CBFA2T3: variants seen among roughly 807,000 people sequenced by gnomAD.
CBFA2T3 encodes transcriptional corepressor CBFA2T3.
In CBFA2T3, 31 loss-of-function variants were observed where a neutral mutation model predicts 58.6. The ratio of observed to expected loss-of-function variants is 0.53; its 90% CI spans 0.40 to 0.71. The LOEUF (loss-of-function observed/expected upper bound fraction) is 0.71, where lower values mean the gene tolerates loss of function less well. Ranked by LOEUF, CBFA2T3 falls within the 30% of genes least tolerant of loss-of-function variation. The probability of loss-of-function intolerance (pLI) is 0.00; values close to 1 mark genes in which losing one functional copy is unlikely to be tolerated. For missense variants in CBFA2T3, 1,076 were observed against 963.1 expected, an observed-to-expected ratio of 1.12 and a Z score of -1.55; for synonymous variants, 531 against 421.9, an observed-to-expected ratio of 1.26 and a Z score of -3.17.
intron 9 of CBFA2T3, 95 bp from the exon 10 acceptor site, chr16:88,880,883 C>T (rs964811283): frequency 1.4e-5 from 17 of 1,182,206 alleles, no homozygotes; most frequent in Middle Eastern, 2.5e-4. Flanking sequence ...GAGTGCAGGG[C>T]GTGAGTGTGT....
intron 1 of CBFA2T3, among the ~76,000 whole-genome samples, chr16:88,962,017 C>T (rs1386458197): frequency 6.6e-6 from 1 of 150,890 alleles, no homozygotes; most frequent in Non-Finnish European, 1.5e-5. Context: ...TAGTAACCGA[C>T]ACTCAGCACT....
rs1320829596 is a variant in CBFA2T3 at position 88,976,650 on chromosome 16, C to G, written c.151+7G>C. 20 of 1,554,736 alleles carry G rather than the reference C, an allele frequency of 1.3e-5. No individual in the cohort carries two copies. The highest frequency in any genetic ancestry group is 1.7e-5 in the Non-Finnish European group (20 of 1,148,184). Reference sequence around the variant, plus strand: ...CCACCCCACCACCTTCCCCTCGAGCCTCTTACCTGGGCCGCCCTTCCTGGG... The same window carrying G: ...CCACCCCACCACCTTCCCCTCGAGCGTCTTACCTGGGCCGCCCTTCCTGGG... On this transcript the variant is annotated splice_region_variant and intron_variant, in intron 1 of 11. Coordinates refer to ENST00000268679, the MANE Select transcript of CBFA2T3 (RefSeq NM_005187.6).
rs190747044 is a variant in CBFA2T3 at position 88,932,083 on chromosome 16, G to A, written c.152-30427C>T. On this transcript the variant is annotated intron_variant, in intron 1 of 11. Transcript: ENST00000268679. ...AGACTTTACACACATGCACCTGCAC[G>A]TGCGCCCCTGGCAACGGCACCCGAC... Among the ~76,000 whole-genome samples the A allele has an allele frequency of 2.8e-3, 431 of 152,124 alleles. 2 individuals are homozygous for A. Among genetic ancestry groups the A allele is most frequent in the African/African-American group, 1.0e-2 (413 of 41,474 alleles).
At chr16:88,940,541 G>C (rs895127031) in intron 1 of CBFA2T3, among the ~76,000 whole-genome samples, 2 of 152,232 alleles carry the variant, frequency 1.3e-5, no homozygotes, top group Non-Finnish European at 2.9e-5. Context: ...TGCCAGGCAG[G>C]GTCCAGGACC....
chr16:88,964,173 T>G (rs1376950763), intron 1 of CBFA2T3, among the ~76,000 whole-genome samples: 1 of 152,136 alleles, frequency 6.6e-6, no homozygotes, highest in Non-Finnish European at 1.5e-5. Flanking sequence ...CGGCTTGGGG[T>G]CAGCTGTGTG....
At chr16:88,975,120 G>GACCCTCTGCTCCTGACCTGCA (rs1567643739) in intron 1 of CBFA2T3, among the ~76,000 whole-genome samples, 8 of 108,082 alleles carry the variant, frequency 7.4e-5, no homozygotes, top group Admixed American at 4.1e-4. Flanking sequence ...AGGCCACCCT[G>GACCCTCTGCTCCTGACCTGCA]GCCCTCTGCT....
intron 5 of CBFA2T3, 183 bp from the exon 6 acceptor site, chr16:88,886,325 TG>T (rs1392370472): frequency 2.1e-5 from 8 of 374,616 alleles, no homozygotes; most frequent in African/African-American, 1.7e-4. Context: ...GAGGGTGGCG[TG>T]GGAGGGTGGG....
chr16:88,903,828 G>A (rs1007016589), intron 1 of CBFA2T3, among the ~76,000 whole-genome samples: 5 of 152,224 alleles, frequency 3.3e-5, no homozygotes, highest in Non-Finnish European at 7.3e-5. Context: ...GGGGGACACA[G>A]GTCCAGGACA....
At chr16:88,931,838 C>T (rs1352943773) in intron 1 of CBFA2T3, among the ~76,000 whole-genome samples, 1 of 152,024 alleles carries the variant, frequency 6.6e-6, no homozygotes, top group East Asian at 1.9e-4. Flanking sequence ...TTTATAAAAG[C>T]TCTCAAGGGG....
At chr16:88,959,145 C>T (rs956308965) in intron 1 of CBFA2T3, among the ~76,000 whole-genome samples, 3 of 152,222 alleles carry the variant, frequency 2.0e-5, no homozygotes, top group African/African-American at 7.2e-5. Flanking sequence ...GAATCGTGTG[C>T]CCCCGTCCTT....
chr16:88,916,266 C>A (rs1181752079), intron 1 of CBFA2T3, among the ~76,000 whole-genome samples: 1 of 139,596 alleles, frequency 7.2e-6, no homozygotes, highest in Non-Finnish European at 1.5e-5. Context: ...GTGTGCATGG[C>A]TGTGTCTGTG....
At chr16:88,970,980 C>G (rs932438683) in intron 1 of CBFA2T3, among the ~76,000 whole-genome samples, 7 of 151,428 alleles carry the variant, frequency 4.6e-5, no homozygotes, top group African/African-American at 1.7e-4. Flanking sequence ...GGCACGGGCT[C>G]GGGAGGCTTG....
rs1968784575 is a variant in CBFA2T3 at position 88,875,182 on chromosome 16, C to T, written c.*1794G>A. 1 of 235,578 alleles carries T rather than the reference C, an allele frequency of 4.2e-6. No individual in the cohort carries two copies. Among genetic ancestry groups the T allele is most frequent in the African/African-American group, 2.2e-5 (1 of 45,324 alleles). 14.6% of individuals were successfully genotyped at this position (235,578 alleles called of 1,614,324 possible). ...ATGCCAGGCCACGGGCCACACCACG[C>T]ACACAGATGCCAAGCCACGGGCCAC... On this transcript the variant is annotated 3_prime_UTR_variant, in exon 12 of 12. Transcript: ENST00000268679.
intron 1 of CBFA2T3, among the ~76,000 whole-genome samples, chr16:88,930,562 C>T (rs1346159519): frequency 1.3e-5 from 2 of 151,682 alleles, no homozygotes; most frequent in African/African-American, 2.4e-5. Flanking sequence ...ACGAAGGCCC[C>T]GAGCTGACAA....
intron 1 of CBFA2T3, among the ~76,000 whole-genome samples, chr16:88,928,908 C>A (rs568685485): frequency 6.6e-6 from 1 of 152,174 alleles, no homozygotes; most frequent in Non-Finnish European, 1.5e-5. Context: ...GCCAGCAGCG[C>A]AAAGGCCCTG....
chr16:88,918,982 A>G (rs553485580), intron 1 of CBFA2T3, among the ~76,000 whole-genome samples: 1 of 152,348 alleles, frequency 6.6e-6, no homozygotes, highest in Admixed American at 6.5e-5. Context: ...ACATTCTTAA[A>G]TATCTGCTAG....
chr16:88,932,366 G>A (rs1005057907), intron 1 of CBFA2T3, among the ~76,000 whole-genome samples: 1 of 152,146 alleles, frequency 6.6e-6, no homozygotes, highest in African/African-American at 2.4e-5. Flanking sequence ...TGGGTGCAGC[G>A]GCTCACGCCT....
intron 1 of CBFA2T3, among the ~76,000 whole-genome samples, chr16:88,912,252 G>A (rs1343247989): frequency 6.6e-6 from 1 of 152,226 alleles, no homozygotes; most frequent in Non-Finnish European, 1.5e-5. Flanking sequence ...GACCAAGAAG[G>A]CTCTCTGGAT....
At position 88,876,987 on chromosome 16, in the gene CBFA2T3, C is replaced by T. The variant is rs1282797282; in HGVS notation, c.1951G>A (p.Val651Met). The change falls in exon 12 of 12, where the codon GTG (valine) becomes ATG (methionine). Residue 651 changes from valine to methionine, a missense_variant. Transcript: ENST00000268679. ...SPSPPGPLDT[V>M]PR ...AGGGGCCAGTGGGGTCAGCGGGGCA[C>T]GGTGTCCAGTGGGCCAGGTGGGCTG... 16 of 1,450,700 alleles carry T rather than the reference C, an allele frequency of 1.1e-5. No individual in the cohort carries two copies. Among genetic ancestry groups the T allele is most frequent in the Admixed American group, 1.1e-4 (4 of 37,900 alleles). The allele number at this position is 1,450,700 out of a possible 1,614,324, so 89.9% of individuals were successfully genotyped here. A position where few individuals can be genotyped will look rare whatever the true frequency, so the allele number is the denominator to read the frequency against.
Sources: gnomAD v4.1 joint callset for allele counts (sites outside exome capture counted in the v4.1 genomes callset) on GRCh38, gnomAD v4.1.1 for gene constraint, MANE v1.5 for transcripts, NCBI Gene and HGNC (gene_info 2026-07-23, HGNC 2026-07-21) for gene names.